Variants in GALNTL6 observed in about 807,000 individuals in gnomAD.
The protein encoded by GALNTL6 is polypeptide N-acetylgalactosaminyltransferase-like 6.
A neutral mutation model predicts 73.7 loss-of-function variants in GALNTL6; 46 were observed. The ratio of observed to expected loss-of-function variants is 0.62; its 90% confidence interval spans 0.49 to 0.80. The LOEUF is 0.80. Among genes scored for constraint, GALNTL6 ranks in the 30% least tolerant of loss-of-function variants. The pLI, the probability that GALNTL6 is intolerant of heterozygous loss-of-function variation, is 0.00. For missense variants in GALNTL6, 604 were observed against 755.0 expected, an observed-to-expected ratio of 0.80 and a Z score of 2.34; for synonymous variants, 259 against 263.7, an observed-to-expected ratio of 0.98 and a Z score of 0.17.
intron 10 of GALNTL6, among the ~76,000 whole-genome samples, chr4:172,993,469 G>A (rs1303203622): frequency 6.6e-6 from 1 of 152,182 alleles, no homozygotes; most frequent in Non-Finnish European, 1.5e-5. Flanking sequence ...AGTTACAGAG[G>A]TGATTAAGGC....
Position 172,057,716 on chromosome 4 carries a change from AAAAAAAAAAAAAT to A in GALNTL6, c.139-171938_139-171926del, listed in dbSNP as rs1229606152. On this transcript the variant is annotated intron_variant, in intron 2 of 12. Transcript: ENST00000506823. The stretch of plus-strand genomic sequence containing the variant: ...GACCCTGTCTCAAAAAAAAAAAAAA[AAAAAAAAAAAAAT>A]ATATATATATATATATATATATATA... 6.5e-3 allele frequency among the ~76,000 whole-genome samples: 704 copies of A among 107,874 alleles called. 2 individuals carry two copies. The highest frequency in any genetic ancestry group is 0.017 in the African/African-American group (468 of 27,304). The allele number at this position is 107,874 out of a possible 152,430, so 70.8% of individuals were successfully genotyped here. A position where few individuals can be genotyped will look rare whatever the true frequency, so the allele number is the denominator to read the frequency against.
intron 5 of GALNTL6, among the ~76,000 whole-genome samples, chr4:172,487,295 CTTCTGTCTTTCT>C (rs1174626516): frequency 0.02 from 1,590 of 81,394 alleles, 37 homozygotes; most frequent in African/African-American, 0.046. Flanking sequence ...TCCTTCTTTC[CTTCTGTCTTTCT>C]TTCTTTCTTT....
At chr4:172,209,532 A>T (rs1320826105) in intron 2 of GALNTL6, among the ~76,000 whole-genome samples, 1 of 152,156 alleles carries the variant, frequency 6.6e-6, no homozygotes, top group Non-Finnish European at 1.5e-5. Flanking sequence ...ATTTTATTGA[A>T]TCGTAACAAG....
At chr4:172,924,813 G>C (rs1319269956) in intron 8 of GALNTL6, among the ~76,000 whole-genome samples, 1 of 152,122 alleles carries the variant, frequency 6.6e-6, no homozygotes, top group Non-Finnish European at 1.5e-5. Flanking sequence ...AAGAGCAGTA[G>C]AAAACCACTG....
chr4:172,846,767 T>C (rs1743531232), intron 7 of GALNTL6, among the ~76,000 whole-genome samples: 1 of 152,204 alleles, frequency 6.6e-6, no homozygotes, highest in African/African-American at 2.4e-5. Flanking sequence ...CCATGTACAC[T>C]GCAGGCACTA....
At chr4:172,574,783 T>C (rs911122343) in intron 5 of GALNTL6, among the ~76,000 whole-genome samples, 1 of 152,128 alleles carries the variant, frequency 6.6e-6, no homozygotes, top group Non-Finnish European at 1.5e-5. Flanking sequence ...GGTCTAAATA[T>C]ATATAATTCC....
intron 5 of GALNTL6, among the ~76,000 whole-genome samples, chr4:172,685,481 A>C (rs936175372): frequency 2.0e-5 from 3 of 152,182 alleles, no homozygotes; most frequent in African/African-American, 7.2e-5. Flanking sequence ...GTAATATCCA[A>C]AGGCACATTA....
intron 2 of GALNTL6, among the ~76,000 whole-genome samples, chr4:172,051,575 T>C (rs1285797930): frequency 2.0e-5 from 3 of 152,116 alleles, no homozygotes; most frequent in Non-Finnish European, 4.4e-5. Context: ...CAGACTCCTT[T>C]CAGCATTCAG....
chr4:172,383,324 G>T (rs1352984009), intron 5 of GALNTL6, among the ~76,000 whole-genome samples: 1 of 151,680 alleles, frequency 6.6e-6, no homozygotes, highest in Non-Finnish European at 1.5e-5. Flanking sequence ...TACAATTATT[G>T]AACTTTTGTT....
At chr4:172,996,101 A>C (rs1344475871) in intron 10 of GALNTL6, among the ~76,000 whole-genome samples, 1 of 152,196 alleles carries the variant, frequency 6.6e-6, no homozygotes, top group Non-Finnish European at 1.5e-5. Context: ...CACTATTCAC[A>C]ATAGCAAAGA....
chr4:172,088,015 A>G (rs1387702299), intron 2 of GALNTL6, among the ~76,000 whole-genome samples: 1 of 152,196 alleles, frequency 6.6e-6, no homozygotes, highest in Non-Finnish European at 1.5e-5. Flanking sequence ...TATTAAGACT[A>G]TATGAATAAT....
chr4:172,592,608 G>C (rs1380745357), intron 5 of GALNTL6, among the ~76,000 whole-genome samples: 1 of 152,142 alleles, frequency 6.6e-6, no homozygotes, highest in Non-Finnish European at 1.5e-5. Context: ...ACTAAAGTTT[G>C]AGAGCCATTT....
At chr4:173,007,387 G>A (rs1322091568) in intron 10 of GALNTL6, among the ~76,000 whole-genome samples, 1 of 152,136 alleles carries the variant, frequency 6.6e-6, no homozygotes, top group East Asian at 1.9e-4. Flanking sequence ...GCTTAAAAAG[G>A]ATTAAGATCA....
At chr4:172,888,100 T>C (rs547169711) in intron 8 of GALNTL6, among the ~76,000 whole-genome samples, 2 of 152,340 alleles carry the variant, frequency 1.3e-5, no homozygotes, top group Admixed American at 6.5e-5. Context: ...CTTTGTCACA[T>C]ACATAGTTTG....
At chr4:172,108,276 GAAGAA>G (rs1732743583) in intron 2 of GALNTL6, among the ~76,000 whole-genome samples, 1 of 152,178 alleles carries the variant, frequency 6.6e-6, no homozygotes, top group Non-Finnish European at 1.5e-5. Flanking sequence ...ATAAGAAAGA[GAAGAA>G]AAGTCTTGCA....
chr4:172,990,318 A>AT (rs1204361851), intron 10 of GALNTL6, among the ~76,000 whole-genome samples: 2 of 152,176 alleles, frequency 1.3e-5, no homozygotes, highest in East Asian at 1.9e-4. Flanking sequence ...AGAAAGAAAT[A>AT]TTTTTTTAAT....
At chr4:172,302,876 A>G (rs2111125797) in intron 3 of GALNTL6, among the ~76,000 whole-genome samples, 1 of 152,052 alleles carries the variant, frequency 6.6e-6, no homozygotes, top group Non-Finnish European at 1.5e-5. Flanking sequence ...CTCATTTGTT[A>G]TATAATCCTT....
intron 2 of GALNTL6, among the ~76,000 whole-genome samples, chr4:171,869,565 C>T (rs761042122): frequency 6.6e-6 from 1 of 152,116 alleles, no homozygotes; most frequent in African/African-American, 2.4e-5. Context: ...TACTGCATTG[C>T]AATTTTAACA....
At chr4:172,269,906 C>T (rs1738581998) in intron 3 of GALNTL6, among the ~76,000 whole-genome samples, 1 of 152,050 alleles carries the variant, frequency 6.6e-6, no homozygotes, top group Non-Finnish European at 1.5e-5. Flanking sequence ...TGCCTGCCAC[C>T]ATGGCCAGCT....
Sources: allele counts gnomAD v4.1 joint callset (sites outside exome capture counted in the v4.1 genomes callset), GRCh38; gene constraint gnomAD v4.1.1; transcripts MANE v1.5; gene names NCBI Gene and HGNC (gene_info 2026-07-23, HGNC 2026-07-21).